Variants in PNLDC1 observed in about 807,000 individuals in gnomAD.
The protein encoded by PNLDC1 is poly(A)-specific ribonuclease PNLDC1.
In PNLDC1, 70 loss-of-function variants were observed where a neutral mutation model predicts 82.0. The ratio of observed to expected loss-of-function variants is 0.85; its 90% confidence interval spans 0.70 to 1.04. The LOEUF is 1.04. PNLDC1 is among the 50% of genes least tolerant of loss of function. PNLDC1 has a pLI of 0.00. For synonymous variants in PNLDC1, 280 were observed against 249.3 expected, an observed-to-expected ratio of 1.12 and a Z score of -1.16; for missense variants, 631 against 661.1, an observed-to-expected ratio of 0.95 and a Z score of 0.50.
intron 12 of PNLDC1, 88 bp from the exon 13 acceptor site, chr6:159,815,881 T>A (rs1781796023): frequency 1.9e-6 from 2 of 1,053,300 alleles, no homozygotes; most frequent in African/African-American, 1.6e-5. Context: ...ATTTAAAAAA[T>A]TTATATTAAC....
In PNLDC1 at chr6:159,800,287, A is replaced by C. The variant is rs951202866; in HGVS notation, c.-21A>C. 2 of 1,540,638 alleles carry C rather than the reference A, an allele frequency of 1.3e-6. No individual in the cohort carries two copies. The highest frequency in any genetic ancestry group is 2.7e-5 in the African/African-American group (2 of 72,730). On this transcript the variant is annotated 5_prime_UTR_variant, in exon 1 of 19. Coordinates refer to ENST00000392167, the MANE Select transcript of PNLDC1 (RefSeq NM_001271862.2). The stretch of plus-strand genomic sequence containing the variant: ...GGGCAGCACGTGATAGCGCTGGGCG[A>C]CTCCGCGGAGCTGCACGGCCATGGA...
intron 11 of PNLDC1, among the ~76,000 whole-genome samples, chr6:159,812,001 G>A (rs1781663592): frequency 6.6e-6 from 1 of 152,102 alleles, no homozygotes; most frequent in Non-Finnish European, 1.5e-5. Context: ...CCTTGTTCAA[G>A]CGATTCTCCT....
Position 159,803,965 on chromosome 6 carries a change from G to A in PNLDC1, c.249G>A (p.Lys83=). ...VFSAIEGEAN[K]YIAHSCNFYL... ...TCTCTGTATGTTTGTTTTATTATAG[G>A]TATATAGCCCATTCTTGTAACTTCT... The change falls in exon 5 of 19, where the codon AAG becomes AAA. Residue 83 remains lysine, a splice_region_variant and synonymous_variant. Coordinates refer to ENST00000392167, the MANE Select transcript of PNLDC1 (RefSeq NM_001271862.2). 6.2e-7 allele frequency: 1 copy of A among 1,613,238 alleles called. No individual in the cohort carries two copies. Among genetic ancestry groups the A allele is most frequent in the East Asian group, 2.2e-5 (1 of 44,870 alleles).
rs2115019374 is a variant in PNLDC1 at position 159,800,375 on chromosome 6, A to G, written c.68A>G (p.Asp23Gly). The G allele has an allele frequency of 6.5e-7, 1 of 1,548,010 alleles. No individual in the cohort carries two copies. Among genetic ancestry groups the G allele is most frequent in the African/African-American group, 1.4e-5 (1 of 73,108 alleles). The change falls in exon 1 of 19, where the codon GAC (aspartate) becomes GGC (glycine). Residue 23 changes from aspartate to glycine, a missense_variant. Coordinates refer to ENST00000392167, the MANE Select transcript of PNLDC1 (RefSeq NM_001271862.2). ...PLLQELVQEA[D>G]FVGLDIEFTG... is the part of the protein sequence containing the mutation. Reference sequence around the variant, plus strand: ...CTGCAGGAGCTCGTCCAGGAGGCCGACTTCGTGGGTGAAGAGCCTGGGATT... The same window carrying G: ...CTGCAGGAGCTCGTCCAGGAGGCCGGCTTCGTGGGTGAAGAGCCTGGGATT...
upstream of PNLDC1, among the ~76,000 whole-genome samples, chr6:159,799,621 C>T (rs1011778492): frequency 9.9e-5 from 15 of 152,096 alleles, no homozygotes; most frequent in Admixed American, 3.3e-4. Context: ...GAAACAGTAA[C>T]AAAAGTAAAA....
chr6:159,810,788 C>T (rs1170976244), intron 10 of PNLDC1, among the ~76,000 whole-genome samples: 6 of 152,128 alleles, frequency 3.9e-5, no homozygotes, highest in Admixed American at 1.3e-4. Context: ...GTCTAGATTA[C>T]GAGGGGTAAG....
intron 15 of PNLDC1, among the ~76,000 whole-genome samples, chr6:159,817,524 T>A (rs1345119167): frequency 1.3e-5 from 2 of 152,218 alleles, no homozygotes; most frequent in Non-Finnish European, 2.9e-5. Flanking sequence ...CAGTGAGGTA[T>A]GAGGAGAAAG....
At position 159,819,380 on chromosome 6, in the gene PNLDC1, T is replaced by TGTCCTGGG. The variant is rs773128785; in HGVS notation, c.1532+36_1532+43dup. Reference sequence around the variant, plus strand: ...AAGTGACAGGCTGAGGCCACCTGCCTGTCCTGGGGTCCTGGAGTGCCCGGG... The same window carrying TGTCCTGGG: ...AAGTGACAGGCTGAGGCCACCTGCCTGTCCTGGGGTCCTGGGGTCCTGGAGTGCCCGGG... On this transcript the variant is annotated intron_variant, in intron 18 of 18. Transcript: ENST00000392167. This position sits in a 1 kb window ranked among gnomAD's most constrained non-coding sequence, Gnocchi z 4.6. 4.0e-5 allele frequency: 64 copies of TGTCCTGGG among 1,601,040 alleles called. No individual in the cohort carries two copies. The highest frequency in any genetic ancestry group is 5.2e-5 in the Non-Finnish European group (61 of 1,172,142).
intron 16 of PNLDC1, 92 bp from the exon 17 acceptor site, chr6:159,818,854 A>AT: frequency 7.0e-7 from 1 of 1,437,072 alleles, no homozygotes; most frequent in Non-Finnish European, 9.5e-7. Flanking sequence ...TGCCCCAAGC[A>AT]GAGCCTTTCC....
At chr6:159,815,304 G>C (rs1781776722) in intron 12 of PNLDC1, among the ~76,000 whole-genome samples, 1 of 152,240 alleles carries the variant, frequency 6.6e-6, no homozygotes, top group African/African-American at 2.4e-5. Context: ...CGCCCCTTGA[G>C]TGATGATCTA....
At chr6:159,808,909 C>T (rs1030011419) in intron 8 of PNLDC1, 93 bp downstream of exon 8, 26 of 1,585,306 alleles carry the variant, frequency 1.6e-5, no homozygotes, top group South Asian at 7.8e-5. Flanking sequence ...TTATCTTGCA[C>T]GCTGCTAGTT....
chr6:159,818,683 C>A, intron 16 of PNLDC1, 29 bp downstream of exon 16: 1 of 1,590,078 alleles, frequency 6.3e-7, no homozygotes, highest in South Asian at 1.1e-5. Flanking sequence ...GCCCCCTCGC[C>A]CCATTCAGAG....
chr6:159,810,037 A>G lies in PNLDC1; in HGVS notation c.795A>G (p.Gly265=). The change falls in exon 10 of 19, where the codon GGA becomes GGG. Residue 265 remains glycine, a synonymous_variant. Coordinates refer to ENST00000392167, the MANE Select transcript of PNLDC1 (RefSeq NM_001271862.2). ...MLVKAQKPLV[G]HNMMMDLLHL... ...TTTACTCCAAGTAGCCCTTAGTGGGACATAATATGATGATGGACCTGCTGC... is the reference window on the plus strand; with the variant it reads ...TTTACTCCAAGTAGCCCTTAGTGGGGCATAATATGATGATGGACCTGCTGC... 6.2e-7 allele frequency: 1 copy of G among 1,613,992 alleles called. No individual in the cohort carries two copies. The highest frequency in any genetic ancestry group is 1.1e-5 in the South Asian group (1 of 91,072).
chr6:159,819,353 G>A lies in PNLDC1; in HGVS notation c.1532+1G>A. On this transcript the variant is annotated splice_donor_variant, in intron 18 of 18. Transcript: ENST00000392167. LOFTEE classifies it high-confidence loss of function. This position sits in a 1 kb window ranked among gnomAD's most constrained non-coding sequence, Gnocchi z 4.6. ...CCCCAAACGTCAACTGCCTGCTCCA[G>A]TAAGTGACAGGCTGAGGCCACCTGC... 1 of 1,613,112 alleles carries A rather than the reference G, an allele frequency of 6.2e-7. No homozygotes were observed. Among genetic ancestry groups the A allele is most frequent in the Non-Finnish European group, 8.5e-7 (1 of 1,179,818 alleles).
chr6:159,811,733 A>C lies in PNLDC1; in HGVS notation c.886A>C (p.Ser296Arg). The C allele has an allele frequency of 2.5e-6, 4 of 1,613,860 alleles. No homozygotes were observed. The highest frequency in any genetic ancestry group is 3.4e-6 in the Non-Finnish European group (4 of 1,179,740). The change falls in exon 11 of 19, where the codon AGC becomes CGC. Residue 296 changes from serine to arginine, a missense_variant. Ser to Arg is a moderately radical substitution (Grantham distance 110). Coordinates refer to ENST00000392167, the MANE Select transcript of PNLDC1 (RefSeq NM_001271862.2). The stretch of plus-strand genomic sequence containing the variant: ...CGATCAATTTAAGCAGAATATCCAC[A>C]GCCTATTTCCTGTTCTCATTGATAC... ...SYDQFKQNIHSLFPVLIDTKS... is the reference protein window; with the variant it reads ...SYDQFKQNIHRLFPVLIDTKS...
In PNLDC1 at chr6:159,800,279, G is replaced by A. The variant is rs566522827; in HGVS notation, c.-29G>A. ...CAGCACGTGGGCAGCACGTGATAGC[G>A]CTGGGCGACTCCGCGGAGCTGCACG... On this transcript the variant is annotated 5_prime_UTR_variant, in exon 1 of 19. Transcript: ENST00000392167. The A allele has an allele frequency of 2.6e-6, 4 of 1,538,294 alleles. No homozygotes were observed. The highest frequency in any genetic ancestry group is 3.5e-6 in the Non-Finnish European group (4 of 1,139,240).
intron 11 of PNLDC1, among the ~76,000 whole-genome samples, chr6:159,811,990 C>T (rs1054273699): frequency 3.9e-5 from 6 of 152,062 alleles, no homozygotes; most frequent in Non-Finnish European, 7.3e-5. Context: ...ACCTTTGACT[C>T]CCTTGTTCAA....
At chr6:159,803,408 C>A in intron 4 of PNLDC1, 98 bp downstream of exon 4, 2 of 1,074,156 alleles carry the variant, frequency 1.9e-6, no homozygotes, top group Admixed American at 3.6e-5. Flanking sequence ...TCACTTTTGC[C>A]CTGGATCTTC....
rs1015647651 is a variant in PNLDC1 at position 159,818,479 on chromosome 6, C to T, written c.1158-76C>T. The T allele has an allele frequency of 6.9e-5, 92 of 1,324,282 alleles. No homozygotes were observed. In the African/African-American group the frequency reaches 9.9e-4, roughly 14 times the overall value. 82.0% of individuals were successfully genotyped at this position (1,324,282 alleles called of 1,614,324 possible). On this transcript the variant is annotated intron_variant, in intron 15 of 18. Transcript: ENST00000392167. ...AGGGAGTGTCCTTCTGTTCTGTCAC[C>T]GGATTCTTGGCTGTGGCCGAGGAAG...
Sources: gnomAD v4.1 joint callset for allele counts (sites outside exome capture counted in the v4.1 genomes callset) on GRCh38, gnomAD v4.1.1 for gene constraint, Gnocchi (gnomAD v3.1) non-coding constraint, MANE v1.5 for transcripts, NCBI Gene and HGNC (gene_info 2026-07-23, HGNC 2026-07-21) for gene names.